The following TYW1 variants were observed in gnomAD, a reference collection of about 807,000 sequenced individuals.
TYW1 encodes S-adenosyl-L-methionine-dependent tRNA 4-demethylwyosine synthase TYW1.
In TYW1, 46 loss-of-function variants were observed where a neutral mutation model predicts 96.2. That is an observed-to-expected ratio of 0.48 (90% CI 0.38 to 0.61). TYW1 has a LOEUF of 0.61. Among genes scored for constraint, TYW1 ranks in the 20% least tolerant of loss-of-function variants. TYW1 has a pLI of 0.00. For synonymous variants in TYW1, 274 were observed against 323.0 expected (o/e 0.85, Z 1.63); for missense variants, 684 against 909.6 (o/e 0.75, Z 3.19).
chr7:67,130,057 T>G (rs1397357357), intron 13 of TYW1, among the ~76,000 whole-genome samples: 1 of 152,142 alleles, frequency 6.6e-6, no homozygotes, highest in Non-Finnish European at 1.5e-5. Flanking sequence ...CTTTTTTTTT[T>G]TTGTTAACAG....
intron 13 of TYW1, among the ~76,000 whole-genome samples, chr7:67,151,881 A>G (rs1038348306): frequency 2.6e-5 from 4 of 152,130 alleles, no homozygotes; most frequent in African/African-American, 9.7e-5. Flanking sequence ...ATCACAGCTC[A>G]CTGCAGCCTC....
At chr7:67,220,251 T>C (rs528127771) in intron 15 of TYW1, among the ~76,000 whole-genome samples, 102 of 134,616 alleles carry the variant, frequency 7.6e-4, no homozygotes, top group African/African-American at 2.8e-3. Flanking sequence ...TCACCCAGGC[T>C]GGAGTGCAGT....
chr7:67,183,075 G>A, intron 13 of TYW1, 51 bp from the exon 14 acceptor site: 1 of 1,516,530 alleles, frequency 6.6e-7, no homozygotes, highest in Non-Finnish European at 8.9e-7. Flanking sequence ...TCTAGGTTAA[G>A]AGGTGACGTC....
At chr7:67,193,411 A>T (rs1408347447) in intron 14 of TYW1, among the ~76,000 whole-genome samples, 2 of 152,158 alleles carry the variant, frequency 1.3e-5, no homozygotes, top group Non-Finnish European at 2.9e-5. Context: ...TCTTCATCCA[A>T]GTCCCAGCTC....
intron 13 of TYW1, among the ~76,000 whole-genome samples, chr7:67,126,876 T>C (rs1426727302): frequency 6.6e-6 from 1 of 152,244 alleles, no homozygotes; most frequent in Non-Finnish European, 1.5e-5. Flanking sequence ...GGATTTGATA[T>C]AGTTGGATTA....
At chr7:67,212,717 A>G (rs945610437) in intron 15 of TYW1, among the ~76,000 whole-genome samples, 2 of 151,766 alleles carry the variant, frequency 1.3e-5, no homozygotes, top group Non-Finnish European at 2.9e-5. Flanking sequence ...ATAGATTTGT[A>G]GTGGCATATT....
intron 13 of TYW1, among the ~76,000 whole-genome samples, chr7:67,149,062 AT>A (rs1798708013): frequency 6.6e-6 from 1 of 152,128 alleles, no homozygotes; most frequent in African/African-American, 2.4e-5. Flanking sequence ...TACCAAGTAG[AT>A]TTCATCCTCC....
chr7:67,178,005 A>G (rs1262563657), intron 13 of TYW1, among the ~76,000 whole-genome samples: 5 of 76,840 alleles, frequency 6.5e-5, no homozygotes, highest in Non-Finnish European at 5.4e-5. Flanking sequence ...AAAAAAAAAG[A>G]AAAAAAAAAA....
intron 3 of TYW1, among the ~76,000 whole-genome samples, chr7:67,003,864 A>G (rs1317887133): frequency 6.6e-6 from 1 of 151,826 alleles, no homozygotes; most frequent in Non-Finnish European, 1.5e-5. Context: ...CCAACATGGC[A>G]AAACCCCATT....
chr7:67,012,160 T>G (rs980858660), intron 4 of TYW1, among the ~76,000 whole-genome samples: 4 of 152,046 alleles, frequency 2.6e-5, no homozygotes, highest in Non-Finnish European at 4.4e-5. Flanking sequence ...AAGAACAGCC[T>G]GGGCAACATG....
At chr7:67,083,609 T>A in intron 11 of TYW1, 70 bp downstream of exon 11, 2 of 1,514,394 alleles carry the variant, frequency 1.3e-6, no homozygotes, top group Non-Finnish European at 1.8e-6. Context: ...GCAGAAGAAT[T>A]GCCTCTTTGG....
At position 67,013,868 on chromosome 7, in the gene TYW1, T is replaced by C. The variant is rs1328033542; in HGVS notation, c.376-499T>C. ...ATGCCATTCTCCTGCCTCAGCCTCC[T>C]GAGTAGCTGGGACTACAGGCACCCG... On this transcript the variant is annotated intron_variant, in intron 4 of 15. Transcript: ENST00000359626. Among the ~76,000 whole-genome samples the C allele has an allele frequency of 5.4e-5, 8 of 149,246 alleles. No individual in the cohort carries two copies. In the East Asian group the frequency reaches 1.5e-3, roughly 27 times the overall value.
intron 13 of TYW1, among the ~76,000 whole-genome samples, chr7:67,137,494 A>T (rs1392035437): frequency 6.6e-6 from 1 of 152,162 alleles, no homozygotes; most frequent in Non-Finnish European, 1.5e-5. Context: ...GGAAAATTTG[A>T]AACTGTGCTT....
chr7:67,069,345 G>A (rs994591515), intron 10 of TYW1, among the ~76,000 whole-genome samples: 2 of 152,070 alleles, frequency 1.3e-5, no homozygotes, highest in Non-Finnish European at 2.9e-5. Flanking sequence ...TGTCACAAAT[G>A]ACAACTTTAT....
intron 7 of TYW1, among the ~76,000 whole-genome samples, chr7:67,035,935 C>T (rs1296938217): frequency 1.3e-5 from 2 of 151,224 alleles, no homozygotes; most frequent in African/African-American, 4.8e-5. Flanking sequence ...CCTTGGCCTC[C>T]CAAAGTGCTG....
rs1195361062 is a variant in TYW1, at chr7:67,083,555, C to T, written c.1384+16C>T. On this transcript the variant is annotated intron_variant, in intron 11 of 15. Coordinates refer to ENST00000359626, the MANE Select transcript of TYW1 (RefSeq NM_018264.4). ...CAGTTTAAAGGTATTTATCTTCCCT[C>T]TACAAAGGAATGCTAATACCTGTTA... The T allele has an allele frequency of 6.2e-7, 1 of 1,613,210 alleles. No homozygotes were observed.
At chr7:67,084,095 A>G (rs1457036372) in intron 11 of TYW1, among the ~76,000 whole-genome samples, 2 of 152,226 alleles carry the variant, frequency 1.3e-5, no homozygotes, top group African/African-American at 4.8e-5. Context: ...TCAGCCTGAA[A>G]GCTTTACCTG....
intron 13 of TYW1, among the ~76,000 whole-genome samples, chr7:67,160,085 A>C (rs1473058504): frequency 6.6e-6 from 1 of 152,024 alleles, no homozygotes; most frequent in Non-Finnish European, 1.5e-5. Flanking sequence ...TACAGACATG[A>C]GCCACCACGC....
chr7:67,035,050 A>G (rs1350320143), intron 7 of TYW1, among the ~76,000 whole-genome samples: 1 of 151,866 alleles, frequency 6.6e-6, no homozygotes, highest in Admixed American at 6.6e-5. Context: ...TTTGAGTGAG[A>G]TTGGATGCAT....
Sources: allele counts gnomAD v4.1 joint callset (sites outside exome capture counted in the v4.1 genomes callset), GRCh38; gene constraint gnomAD v4.1.1; transcripts MANE v1.5; gene names NCBI Gene and HGNC (gene_info 2026-07-23, HGNC 2026-07-21).